The following LRPPRC variants were observed in gnomAD, a reference collection of about 807,000 sequenced individuals.
The protein encoded by LRPPRC is leucine rich pentatricopeptide repeat containing, also known as leucine-rich PPR motif-containing protein, mitochondrial.
A neutral mutation model predicts 180.3 loss-of-function variants in LRPPRC; 120 were observed. That is an observed-to-expected ratio of 0.67 (90% CI 0.57 to 0.77). The LOEUF (loss-of-function observed/expected upper bound fraction) is 0.77. Among genes scored for constraint, LRPPRC ranks in the 30% least tolerant of loss-of-function variants. The pLI is 0.00. For missense variants in LRPPRC, 2,012 were observed against 1,657.2 expected (o/e 1.21, Z -3.72); for synonymous variants, 723 against 600.0 (o/e 1.21, Z -3.00).
At chr2:43,957,218 A>G (rs1287794886) in intron 14 of LRPPRC, among the ~76,000 whole-genome samples, 167 bp downstream of exon 14, 2 of 152,234 alleles carry the variant, frequency 1.3e-5, no homozygotes, top group Non-Finnish European at 2.9e-5. Context: ...GCCTAAATTT[A>G]ATTCAATGAC....
At chr2:43,900,824 G>C (rs980427166) in intron 32 of LRPPRC, among the ~76,000 whole-genome samples, 2 of 152,086 alleles carry the variant, frequency 1.3e-5, no homozygotes, top group African/African-American at 4.8e-5. Context: ...ATTCTCAAAA[G>C]GAATCTAGAG....
In LRPPRC at chr2:43,934,916, C is replaced by T. The variant is rs200386208; in HGVS notation, c.2505-38G>A. On this transcript the variant is annotated intron_variant, in intron 23 of 37. Coordinates refer to ENST00000260665, the MANE Select transcript of LRPPRC (RefSeq NM_133259.4). ...AAAATTAGCAATGAATAAAATAAAT[C>T]GAATTCAGCTTAGTCTCTTAGTAAT... 7.8e-4 allele frequency: 1,237 copies of T among 1,583,650 alleles called. 23 individuals are homozygous for T. In the South Asian group the frequency reaches 0.013, roughly 17 times the overall value.
intron 1 of LRPPRC, 148 bp downstream of exon 1, chr2:43,995,651 G>A (rs923137521): frequency 2.1e-5 from 15 of 729,974 alleles, no homozygotes; most frequent in Admixed American, 8.6e-5. Flanking sequence ...ACCCCTGGTA[G>A]GGAGCGTGGT....
chr2:43,988,896 G>T (rs1023224248), intron 1 of LRPPRC, among the ~76,000 whole-genome samples: 5 of 152,084 alleles, frequency 3.3e-5, no homozygotes, highest in South Asian at 4.2e-4. Flanking sequence ...TTGAGACAGG[G>T]TCTCATTCTG....
intron 34 of LRPPRC, among the ~76,000 whole-genome samples, chr2:43,898,924 C>T (rs1670789819): frequency 6.6e-6 from 1 of 152,160 alleles, no homozygotes; most frequent in Admixed American, 6.5e-5. Context: ...AAAGATTTGT[C>T]TTTAATCATT....
chr2:43,971,492 A>AAAAAAAAAAAAAAAAAAAAAAG (rs1673805754), intron 11 of LRPPRC, among the ~76,000 whole-genome samples: 1 of 147,006 alleles, frequency 6.8e-6, no homozygotes, highest in Non-Finnish European at 1.5e-5. Context: ...CAGTAAAAAA[A>AAAAAAAAAAAAAAAAAAAAAAG]AAAAAAAAAA....
At chr2:43,959,776 C>T (rs561929080) in intron 13 of LRPPRC, among the ~76,000 whole-genome samples, 9 of 151,964 alleles carry the variant, frequency 5.9e-5, no homozygotes, top group South Asian at 2.1e-4. Flanking sequence ...CCCAGCTACT[C>T]GGGAGGCTGA....
chr2:43,987,426 C>T (rs981315502), intron 1 of LRPPRC, among the ~76,000 whole-genome samples: 1 of 132,196 alleles, frequency 7.6e-6, no homozygotes, highest in Admixed American at 9.1e-5. Context: ...ACCCAGGAGG[C>T]GGAGCTTGCA....
At chr2:43,978,723 T>C (rs1340591463) in intron 3 of LRPPRC, among the ~76,000 whole-genome samples, 2 of 152,124 alleles carry the variant, frequency 1.3e-5, no homozygotes, top group African/African-American at 2.4e-5. Context: ...TATTCAAAAC[T>C]GTGAAGGAAG....
chr2:43,978,331 A>T (rs565978646), intron 3 of LRPPRC, among the ~76,000 whole-genome samples: 100 of 152,294 alleles, frequency 6.6e-4, no homozygotes, highest in Non-Finnish European at 7.9e-4. Context: ...TTATACACAA[A>T]GCATCATGCT....
chr2:43,989,020 G>C (rs577221278), intron 1 of LRPPRC, among the ~76,000 whole-genome samples: 1 of 152,200 alleles, frequency 6.6e-6, no homozygotes, highest in East Asian at 1.9e-4. Flanking sequence ...GACTACAGGT[G>C]CATGCCACCA....
At chr2:43,981,075 T>C (rs1322880670) in intron 2 of LRPPRC, among the ~76,000 whole-genome samples, 2 of 152,224 alleles carry the variant, frequency 1.3e-5, no homozygotes, top group Admixed American at 1.3e-4. Flanking sequence ...CAGAATCCTC[T>C]TAAACTGCAT....
rs191279757 is a variant in LRPPRC at position 43,889,825 on chromosome 2, G to C, written c.4037C>G (p.Ala1346Gly). ...CAGATCATCCAATTTTGTATTCTTT[G>C]CAGTCAAATGTTCATACAGTGCTTT... ...SAKALYEHLT[A>G]KNTKLDDLFL... Residue 1346 changes from alanine to glycine, a missense_variant, in exon 37 of 38, where the codon GCA becomes GGA. Ala to Gly is a moderately conservative substitution (Grantham distance 60, BLOSUM62 0). Transcript: ENST00000260665. The C allele has an allele frequency of 1.9e-6, 3 of 1,609,174 alleles. No homozygotes were observed. Among genetic ancestry groups the C allele is most frequent in the African/African-American group, 1.3e-5 (1 of 74,950 alleles).
intron 13 of LRPPRC, among the ~76,000 whole-genome samples, chr2:43,959,582 C>A (rs967713286): frequency 6.6e-6 from 1 of 152,140 alleles, no homozygotes; most frequent in East Asian, 1.9e-4. Flanking sequence ...AAAATAAGGT[C>A]TCTTAAGAAC....
At chr2:43,936,736 A>G (rs1340189589) in intron 23 of LRPPRC, among the ~76,000 whole-genome samples, 1 of 152,210 alleles carries the variant, frequency 6.6e-6, no homozygotes, top group African/African-American at 2.4e-5. Context: ...TTTACAGTGC[A>G]TCTTCTGGCA....
chr2:43,914,024 A>G (rs1318394093), intron 29 of LRPPRC, among the ~76,000 whole-genome samples: 1 of 152,242 alleles, frequency 6.6e-6, no homozygotes, highest in African/African-American at 2.4e-5. Context: ...GCTAAATAAA[A>G]TATTTAAACC....
In LRPPRC at chr2:43,948,223, GA is replaced by G. The variant is rs374953356; in HGVS notation, c.1843-25del. On this transcript the variant is annotated intron_variant, in intron 17 of 37. Coordinates refer to ENST00000260665, the MANE Select transcript of LRPPRC (RefSeq NM_133259.4). Reference sequence around the variant, plus strand: ...TTCTGTGAGAAGGGAAGGGAGGGGGGAAAAAACCTGAGTTTTAGACAACCAA... The same window carrying G: ...TTCTGTGAGAAGGGAAGGGAGGGGGGAAAAACCTGAGTTTTAGACAACCAA... 237 of 1,298,210 alleles carry G rather than the reference GA, an allele frequency of 1.8e-4. 4 individuals are homozygous for G. The African/African-American group carries it at 2.8e-3, about 15-fold the overall frequency. 80.4% of individuals were successfully genotyped at this position (1,298,210 alleles called of 1,614,324 possible). A position where few individuals can be genotyped will look rare whatever the true frequency, so the allele number is the denominator to read the frequency against.
intron 11 of LRPPRC, among the ~76,000 whole-genome samples, chr2:43,971,180 T>C (rs1417140530): frequency 6.6e-6 from 1 of 152,104 alleles, no homozygotes; most frequent in Non-Finnish European, 1.5e-5. Flanking sequence ...CCCTTCTTTA[T>C]GTATTTTATC....
rs746570290 is a variant in LRPPRC, at chr2:43,925,882, C to G, written c.2805+11G>C. Reference sequence around the variant, plus strand: ...TTTTAGGTGATTGAGACATCTGAATCAAATACAAACCTGATTATTTGCAAC... The same window carrying G: ...TTTTAGGTGATTGAGACATCTGAATGAAATACAAACCTGATTATTTGCAAC... On this transcript the variant is annotated intron_variant, in intron 26 of 37. Coordinates refer to ENST00000260665, the MANE Select transcript of LRPPRC (RefSeq NM_133259.4). 6.3e-7 allele frequency: 1 copy of G among 1,598,668 alleles called. No individual in the cohort carries two copies. The highest frequency in any genetic ancestry group is 8.6e-7 in the Non-Finnish European group (1 of 1,165,956).
Sources: gnomAD v4.1 joint callset for allele counts (sites outside exome capture counted in the v4.1 genomes callset) on GRCh38, gnomAD v4.1.1 for gene constraint, MANE v1.5 for transcripts, NCBI Gene and HGNC (gene_info 2026-07-23, HGNC 2026-07-21) for gene names.